Variants in ATG101 observed in about 807,000 individuals in gnomAD.
ATG101 encodes the protein autophagy-related protein 101.
ATG101 carries 6 observed loss-of-function variants against 16.7 expected under a neutral mutation model. That is an observed-to-expected ratio of 0.36 (90% CI 0.20 to 0.71). The LOEUF (loss-of-function observed/expected upper bound fraction) is 0.71, where lower values mean the gene tolerates loss of function less well. ATG101 is among the 30% of genes least tolerant of loss of function. The probability of loss-of-function intolerance (pLI) is 0.57; values close to 1 mark genes in which losing one functional copy is unlikely to be tolerated. For synonymous variants in ATG101, 108 were observed against 118.1 expected, an observed-to-expected ratio of 0.91 and a Z score of 0.56; for missense variants, 200 against 292.5, an observed-to-expected ratio of 0.68 and a Z score of 2.31.
At chr12:52,073,370 T>C (rs1373048843) in intron 2 of ATG101, among the ~76,000 whole-genome samples, 1 of 152,224 alleles carries the variant, frequency 6.6e-6, no homozygotes, top group Non-Finnish European at 1.5e-5. Context: ...GGCTGTAAAA[T>C]GGAATCCCAG....
Position 52,075,837 on chromosome 12 carries a change from C to A in ATG101, c.253-949C>A, listed in dbSNP as rs559689643. 5.3e-5 allele frequency among the ~76,000 whole-genome samples: 8 copies of A among 152,270 alleles called. No homozygotes were observed. In the East Asian group the frequency reaches 1.5e-3, roughly 29 times the overall value. ...CTCTTTTTGAGCAAGGACCACTGGGCTCTACAGTTCCCTCTTCCTTAGCTC... is the reference window on the plus strand; with the variant it reads ...CTCTTTTTGAGCAAGGACCACTGGGATCTACAGTTCCCTCTTCCTTAGCTC... On this transcript the variant is annotated intron_variant, in intron 3 of 3. Coordinates refer to ENST00000336854, the MANE Select transcript of ATG101 (RefSeq NM_021934.5).
chr12:52,076,250 G>C (rs557541764), intron 3 of ATG101, among the ~76,000 whole-genome samples: 108 of 152,308 alleles, frequency 7.1e-4, no homozygotes, highest in African/African-American at 2.5e-3. Context: ...GAGGTGATTA[G>C]AACATTTTGA....
At chr12:52,066,464 AG>A (rs1423376119), upstream of ATG101, among the ~76,000 whole-genome samples, 6 of 152,144 alleles carry the variant, frequency 3.9e-5, no homozygotes, top group East Asian at 1.2e-3. Context: ...TTCCAATGTT[AG>A]GCTCATCAGA....
chr12:52,068,228 A>AT (rs1200577647), upstream of ATG101, among the ~76,000 whole-genome samples: 1 of 108,412 alleles, frequency 9.2e-6, no homozygotes. Flanking sequence ...TTTTTTTTGT[A>AT]TTTTTGGTAG....
At position 52,075,957 on chromosome 12, in the gene ATG101, C is replaced by G. The variant is rs532010813; in HGVS notation, c.253-829C>G. Among the ~76,000 whole-genome samples the G allele has an allele frequency of 1.3e-3, 194 of 152,154 alleles. 2 individuals are homozygous for G. The highest frequency in any genetic ancestry group is 5.4e-4 in the Non-Finnish European group (37 of 67,996). On this transcript the variant is annotated intron_variant, in intron 3 of 3. Transcript: ENST00000336854. ...GGAGTATTGCTTGAGCCCAGGAATT[C>G]GAGACCAGCCTGGATAACGTAACAA...
intron 3 of ATG101, among the ~76,000 whole-genome samples, chr12:52,075,196 C>G (rs907708693): frequency 7.2e-5 from 11 of 152,214 alleles, no homozygotes; most frequent in Non-Finnish European, 1.2e-4. Context: ...AAAGCTGTCT[C>G]TCATTGTCCC....
upstream of ATG101, chr12:52,069,337 G>A (rs188839853): frequency 1.2e-4 from 19 of 152,396 alleles, no homozygotes; most frequent in African/African-American, 4.3e-4. Context: ...GGGGTATCAA[G>A]TAGTGCTGCT....
chr12:52,068,899 G>C (rs1209790682), upstream of ATG101, among the ~76,000 whole-genome samples: 1 of 147,422 alleles, frequency 6.8e-6, no homozygotes, highest in Non-Finnish European at 1.5e-5. Flanking sequence ...GCTGAGGCAG[G>C]AGAATGACGT....
chr12:52,068,743 T>C (rs1788701455), upstream of ATG101, among the ~76,000 whole-genome samples: 1 of 151,670 alleles, frequency 6.6e-6, no homozygotes, highest in Admixed American at 6.6e-5. Context: ...TCCCAGCACT[T>C]TGGGAGGCCG....
At chr12:52,075,116 A>C (rs1019317779) in intron 3 of ATG101, among the ~76,000 whole-genome samples, 4 of 152,092 alleles carry the variant, frequency 2.6e-5, no homozygotes, top group Non-Finnish European at 5.9e-5. Context: ...TCATTCCATA[A>C]ATATTTGCAG....
chr12:52,070,849 C>T (rs1939638647), intron 2 of ATG101: 1 of 152,276 alleles, frequency 6.6e-6, no homozygotes. Flanking sequence ...AGCCGGGAGT[C>T]TCTAGATGGG....
upstream of ATG101, among the ~76,000 whole-genome samples, chr12:52,068,757 C>T (rs1592315116): frequency 6.6e-6 from 1 of 151,910 alleles, no homozygotes; most frequent in South Asian, 2.1e-4. Flanking sequence ...GAGGCCGAGG[C>T]GGGCAGATCA....
Position 52,076,930 on chromosome 12 carries a change from A to C in ATG101, c.397A>C (p.Thr133Pro). Residue 133 changes from threonine to proline, a missense_variant, in exon 4 of 4, where the codon ACG becomes CCG. Coordinates refer to ENST00000336854, the MANE Select transcript of ATG101 (RefSeq NM_021934.5). The part of the protein sequence containing the change: ...TVKVHVVALA[T>P]EQERQICREK... ...CAAGGTGCATGTGGTAGCCCTGGCC[A>C]CGGAGCAGGAGCGGCAGATCTGCCG... The C allele has an allele frequency of 6.2e-7, 1 of 1,614,212 alleles. No individual in the cohort carries two copies. The highest frequency in any genetic ancestry group is 8.5e-7 in the Non-Finnish European group (1 of 1,180,036).
In ATG101 at chr12:52,072,075, T is replaced by G. The variant is rs147759964; in HGVS notation, c.-76-1500T>G. 1.9e-3 allele frequency among the ~76,000 whole-genome samples: 297 copies of G among 152,362 alleles called. 1 individual carries two copies. Among genetic ancestry groups the G allele is most frequent in the African/African-American group, 6.8e-3 (281 of 41,586 alleles). On this transcript the variant is annotated intron_variant, in intron 2 of 3. Transcript: ENST00000336854. ...TCTCTTGGCAGTAACAATGTAATAA[T>G]GAATTATAGCAGCTAATACTTAGTG... is the stretch of plus-strand genomic sequence containing the variant.
chr12:52,073,757 A>G lies in ATG101; in HGVS notation c.107A>G (p.Lys36Arg). Residue 36 changes from lysine (K) to arginine (R), a missense_variant, in exon 3 of 4, where the codon AAG (lysine) becomes AGG (arginine). Transcript: ENST00000336854. ...HTVLLHRSTG[K>R]FHYKKEGTYS... ...GTGCTTCTGCACCGCAGCACAGGCA[A>G]GTTCCACTACAAGAAGGAGGGCACC... The G allele has an allele frequency of 1.2e-6, 2 of 1,614,202 alleles. No individual in the cohort carries two copies. The highest frequency in any genetic ancestry group is 1.7e-6 in the Non-Finnish European group (2 of 1,180,034).
upstream of ATG101, chr12:52,069,888 G>C (rs369035937): frequency 6.6e-6 from 1 of 152,326 alleles, no homozygotes; most frequent in African/African-American, 2.4e-5. Flanking sequence ...GCGGCTACAT[G>C]CGTGCGGGGG....
chr12:52,068,013 G>A (rs549412281), upstream of ATG101, among the ~76,000 whole-genome samples: 5 of 150,112 alleles, frequency 3.3e-5, no homozygotes, highest in South Asian at 6.3e-4. Flanking sequence ...ATCTATTATC[G>A]TTTTGGGAAA....
upstream of ATG101, chr12:52,069,843 C>T (rs1939610621): frequency 6.6e-6 from 1 of 152,278 alleles, no homozygotes; most frequent in South Asian, 2.1e-4. Context: ...GCATGACTAT[C>T]TGCGTGTGCT....
At chr12:52,066,515 G>C (rs772559252), upstream of ATG101, among the ~76,000 whole-genome samples, 5 of 152,128 alleles carry the variant, frequency 3.3e-5, no homozygotes, top group Non-Finnish European at 4.4e-5. Context: ...TTAACCAACT[G>C]TCTAGGTACC....
Sources: allele counts gnomAD v4.1 joint callset (sites outside exome capture counted in the v4.1 genomes callset), GRCh38; gene constraint gnomAD v4.1.1; transcripts MANE v1.5; gene names NCBI Gene and HGNC (gene_info 2026-07-23, HGNC 2026-07-21).